The following TRIM55 variants were observed in gnomAD, a reference collection of about 807,000 sequenced individuals.
TRIM55 encodes tripartite motif containing 55, also known as tripartite motif-containing protein 55.
A neutral mutation model predicts 60.9 loss-of-function variants in TRIM55; 50 were observed. That is an observed-to-expected ratio of 0.82 (90% CI 0.65 to 1.04). The LOEUF is 1.04. Among genes scored for constraint, TRIM55 ranks in the 50% least tolerant of loss-of-function variants. The pLI, the probability that TRIM55 is intolerant of heterozygous loss-of-function variation, is 0.00. For missense variants in TRIM55, 681 were observed against 666.9 expected (o/e 1.02, Z -0.23); for synonymous variants, 237 against 238.1 (o/e 1.00, Z 0.04).
intron 1 of TRIM55, among the ~76,000 whole-genome samples, 187 bp from the exon 2 acceptor site, chr8:66,128,117 A>AAAATCCT (rs1808927129): frequency 6.6e-6 from 1 of 152,246 alleles, no homozygotes; most frequent in African/African-American, 2.4e-5. Context: ...GTATATTCGC[A>AAAATCCT]GATGACTGTG....
chr8:66,138,492 C>T lies in TRIM55; in HGVS notation c.603+1302C>T, dbSNP rs766962391. Among the ~76,000 whole-genome samples, 5 of 152,114 alleles carry T rather than the reference C, an allele frequency of 3.3e-5. No individual in the cohort carries two copies. In the South Asian group the frequency reaches 6.2e-4, roughly 19 times the overall value. On this transcript the variant is annotated intron_variant, in intron 4 of 9. Transcript: ENST00000315962. ...GCAACCTCCACCTCCCAGGTTCAAG[C>T]GATTCTCCTGCCTCAGCCTCCTGAG... is the stretch of plus-strand genomic sequence containing the variant.
intron 9 of TRIM55, among the ~76,000 whole-genome samples, chr8:66,168,630 G>T (rs1811453449): frequency 6.6e-6 from 1 of 152,200 alleles, no homozygotes; most frequent in Admixed American, 6.5e-5. Flanking sequence ...GATGGGCAAA[G>T]ATTTCTTTAA....
At chr8:66,151,183 A>T (rs922339255) in intron 7 of TRIM55, among the ~76,000 whole-genome samples, 1 of 152,242 alleles carries the variant, frequency 6.6e-6, no homozygotes, top group Non-Finnish European at 1.5e-5. Context: ...AATTTAGAGG[A>T]CAAGAATAGT....
intron 9 of TRIM55, among the ~76,000 whole-genome samples, chr8:66,170,350 T>C (rs1049951138): frequency 1.3e-5 from 2 of 152,236 alleles, no homozygotes; most frequent in African/African-American, 4.8e-5. Flanking sequence ...TCCCTTTGTG[T>C]CTGGCTTATT....
intron 9 of TRIM55, among the ~76,000 whole-genome samples, chr8:66,163,111 C>T (rs140696052): frequency 1.3e-5 from 2 of 152,220 alleles, no homozygotes; most frequent in African/African-American, 4.8e-5. Flanking sequence ...GTCCCTCCCC[C>T]AGTACCACAC....
chr8:66,167,060 C>T (rs1281877678), intron 9 of TRIM55, among the ~76,000 whole-genome samples: 1 of 152,192 alleles, frequency 6.6e-6, no homozygotes, highest in Non-Finnish European at 1.5e-5. Context: ...AACCAACCTG[C>T]CTCTCTGTCT....
At chr8:66,158,657 T>C (rs951214679) in intron 9 of TRIM55, among the ~76,000 whole-genome samples, 1 of 152,226 alleles carries the variant, frequency 6.6e-6, no homozygotes. Context: ...GGTATTTTCA[T>C]TGGGAGGGTT....
At chr8:66,174,161 A>C (rs1423868756) in intron 9 of TRIM55, among the ~76,000 whole-genome samples, 1 of 150,930 alleles carries the variant, frequency 6.6e-6, no homozygotes, top group Non-Finnish European at 1.5e-5. Context: ...AATCATGTAC[A>C]AGTGGACTTA....
intron 5 of TRIM55, 31 bp from the exon 6 acceptor site, chr8:66,150,186 A>C: frequency 6.2e-7 from 1 of 1,607,592 alleles, no homozygotes; most frequent in Non-Finnish European, 8.5e-7. Context: ...GAAATAATTT[A>C]AGTAAGACTA....
upstream of TRIM55, among the ~76,000 whole-genome samples, chr8:66,122,809 C>T (rs1356460414): frequency 6.6e-6 from 1 of 152,178 alleles, no homozygotes; most frequent in Non-Finnish European, 1.5e-5. Context: ...AACAAACAGA[C>T]TCTTTGTAGC....
intron 5 of TRIM55, 28 bp from the exon 6 acceptor site, chr8:66,150,189 T>C: frequency 6.2e-7 from 1 of 1,608,548 alleles, no homozygotes; most frequent in Non-Finnish European, 8.5e-7. Context: ...ATAATTTAAG[T>C]AAGACTATCT....
chr8:66,128,414 T>C lies in TRIM55; in HGVS notation c.279T>C (p.Tyr93=). Residue 93 remains tyrosine (Y), a synonymous_variant, in exon 2 of 10, where the codon TAT becomes TAC. Transcript: ENST00000315962. Reference sequence around the variant, plus strand: ...TGGTTTTGGATAGACATGGGGTATATGGACTTCAGAGGAACCTGCTGGTGG... The same window carrying C: ...TGGTTTTGGATAGACATGGGGTATACGGACTTCAGAGGAACCTGCTGGTGG... The part of the protein sequence containing the change: ...HEVVLDRHGV[Y]GLQRNLLVEN... 2 of 1,613,912 alleles carry C rather than the reference T, an allele frequency of 1.2e-6. No homozygotes were observed. Among genetic ancestry groups the C allele is most frequent in the Non-Finnish European group, 1.7e-6 (2 of 1,179,906 alleles).
chr8:66,122,628 C>G (rs1808675561), upstream of TRIM55, among the ~76,000 whole-genome samples: 1 of 152,122 alleles, frequency 6.6e-6, no homozygotes, highest in Non-Finnish European at 1.5e-5. Context: ...ATTCTAAGCC[C>G]CCCAACTCAC....
chr8:66,147,373 T>C (rs1053532643), intron 4 of TRIM55, among the ~76,000 whole-genome samples: 3 of 152,216 alleles, frequency 2.0e-5, no homozygotes, highest in African/African-American at 7.2e-5. Context: ...AGGAAGGCAA[T>C]GGAGTAAGGG....
Position 66,149,778 on chromosome 8 carries a change from C to T in TRIM55, c.737C>T (p.Ala246Val). 6.2e-7 allele frequency: 1 copy of T among 1,614,164 alleles called. No individual in the cohort carries two copies. Among genetic ancestry groups the T allele is most frequent in the Admixed American group, 1.7e-5 (1 of 60,024 alleles). The change falls in exon 5 of 10, where the codon GCT becomes GTT. Residue 246 changes from alanine (A) to valine (V), a missense_variant. Physicochemically the swap from Ala to Val is moderately conservative, Grantham distance 64. Coordinates refer to ENST00000315962, the MANE Select transcript of TRIM55 (RefSeq NM_184085.2). The stretch of plus-strand genomic sequence containing the variant: ...GAGGAGAAACTGGAACATGTCCGTG[C>T]TCTGATCAAAAAGTATTCTGATCAT... The part of the protein sequence containing the change: ...TQEEKLEHVR[A>V]LIKKYSDHLE...
intron 2 of TRIM55, 68 bp from the exon 3 acceptor site, chr8:66,134,922 T>G (rs1358150835): frequency 1.0e-5 from 15 of 1,503,432 alleles, no homozygotes; most frequent in Non-Finnish European, 1.3e-5. Flanking sequence ...CAGAGCAACA[T>G]CAGCTCTGCC....
intron 4 of TRIM55, among the ~76,000 whole-genome samples, chr8:66,138,493 G>A (rs548462711): frequency 6.1e-4 from 93 of 152,194 alleles, no homozygotes; most frequent in Non-Finnish European, 1.1e-3. Flanking sequence ...AGGTTCAAGC[G>A]ATTCTCCTGC....
At position 66,137,188 on chromosome 8, in the gene TRIM55, G is replaced by C. The variant is rs1276734873; in HGVS notation, c.601G>C (p.Glu201Gln). The change falls in exon 4 of 10, where the codon GAG becomes CAG. Residue 201 changes from glutamate (E) to glutamine (Q), a missense_variant and splice_region_variant. Physicochemically the swap from Glu to Gln is conservative, Grantham distance 29 (BLOSUM62 2). Transcript: ENST00000315962. ...GCTGGAAGACACCTGCAAAACTATC[G>C]AGGTGAGTCAGGTGACTCCCACAGC... ...SQLEDTCKTIEECCRKQKQEL... is the reference protein window; with the variant it reads ...SQLEDTCKTIQECCRKQKQEL... The C allele has an allele frequency of 1.2e-6, 2 of 1,613,448 alleles. No homozygotes were observed. Among genetic ancestry groups the C allele is most frequent in the African/African-American group, 1.3e-5 (1 of 74,870 alleles).
At chr8:66,174,450 T>TC in intron 9 of TRIM55, 21 bp from the exon 10 acceptor site, 2 of 1,608,208 alleles carry the variant, frequency 1.2e-6, no homozygotes, top group Non-Finnish European at 1.7e-6. Flanking sequence ...TTTCTCTGAT[T>TC]CCCATTTTCT....
Sources: gnomAD v4.1 joint callset for allele counts (sites outside exome capture counted in the v4.1 genomes callset) on GRCh38, gnomAD v4.1.1 for gene constraint, MANE v1.5 for transcripts, NCBI Gene and HGNC (gene_info 2026-07-23, HGNC 2026-07-21) for gene names.